The following PALM2AKAP2 variants were observed in gnomAD, a reference collection of about 807,000 sequenced individuals.
PALM2AKAP2 encodes the protein PALM2 and AKAP2 fusion.
In PALM2AKAP2, 37 loss-of-function variants were observed where a neutral mutation model predicts 71.5. The ratio of observed to expected loss-of-function variants is 0.52; its 90% confidence interval spans 0.40 to 0.68. The LOEUF is 0.68. PALM2AKAP2 is among the 30% of genes least tolerant of loss of function. The pLI is 0.00. For missense variants in PALM2AKAP2, 1,224 were observed against 1,191.8 expected (o/e 1.03, Z -0.40); for synonymous variants, 468 against 478.8 (o/e 0.98, Z 0.29).
intron 1 of PALM2AKAP2, among the ~76,000 whole-genome samples, chr9:109,757,066 T>G (rs1164055380): frequency 6.6e-6 from 1 of 152,096 alleles, no homozygotes; most frequent in African/African-American, 2.4e-5. Flanking sequence ...ACGTGTTCTA[T>G]CTATCTGTAT....
intron 1 of PALM2AKAP2, among the ~76,000 whole-genome samples, chr9:109,721,372 C>G (rs960961728): frequency 1.4e-4 from 22 of 152,158 alleles, no homozygotes; most frequent in Non-Finnish European, 2.6e-4. Flanking sequence ...GAGGACAAAG[C>G]CTGCAGAGAT....
At chr9:110,074,982 G>A (rs546701050) in intron 1 of PALM2AKAP2, among the ~76,000 whole-genome samples, 9 of 151,360 alleles carry the variant, frequency 5.9e-5, no homozygotes, top group Non-Finnish European at 7.4e-5. Flanking sequence ...CAGCCTGAGC[G>A]ACAGAGTGAG....
At chr9:109,990,707 C>T (rs1278901836) in intron 6 of PALM2AKAP2, among the ~76,000 whole-genome samples, 1 of 152,168 alleles carries the variant, frequency 6.6e-6, no homozygotes, top group Non-Finnish European at 1.5e-5. Context: ...AGGCATCAGA[C>T]CAAAGCCACA....
intron 1 of PALM2AKAP2, 142 bp downstream of exon 1, chr9:109,780,675 A>G: frequency 7.9e-7 from 1 of 1,267,608 alleles, no homozygotes. Flanking sequence ...GGGCTCAGCT[A>G]GGCTGCCTTT....
chr9:110,099,682 T>C (rs1834945598), intron 1 of PALM2AKAP2, among the ~76,000 whole-genome samples: 3 of 152,174 alleles, frequency 2.0e-5, no homozygotes, highest in Non-Finnish European at 4.4e-5. Flanking sequence ...TTGCTTTGCA[T>C]GAATCAGTTT....
chr9:110,088,967 G>C (rs1554750101), intron 1 of PALM2AKAP2, among the ~76,000 whole-genome samples: 1 of 152,034 alleles, frequency 6.6e-6, no homozygotes, highest in Non-Finnish European at 1.5e-5. Flanking sequence ...TGATCCACCT[G>C]CGTTGGCCTC....
intron 1 of PALM2AKAP2, among the ~76,000 whole-genome samples, chr9:110,060,726 C>G (rs148568128): frequency 6.6e-6 from 1 of 152,098 alleles, no homozygotes; most frequent in Admixed American, 6.6e-5. Context: ...CTCAGCCTCC[C>G]GAGTAGCTGA....
intron 6 of PALM2AKAP2, among the ~76,000 whole-genome samples, chr9:109,971,044 G>A (rs777703376): frequency 2.6e-5 from 4 of 152,102 alleles, no homozygotes; most frequent in Non-Finnish European, 5.9e-5. Context: ...CCAGGAGGCC[G>A]ATCACACCAC....
chr9:110,055,290 G>A (rs1437217124), intron 1 of PALM2AKAP2, among the ~76,000 whole-genome samples: 3 of 151,990 alleles, frequency 2.0e-5, no homozygotes, highest in Non-Finnish European at 4.4e-5. Context: ...CCACCTCCTG[G>A]GTTTAAGCCA....
rs552079573 is a variant in PALM2AKAP2, at chr9:109,641,952, G to C, written c.5+1086G>C. ...ATGGTGTAGCATTGTAGGAGTCACA[G>C]TCATGGATTTCAGGCCCCACCTAGC... On this transcript the variant is annotated intron_variant, in intron 1 of 6. Transcript: ENST00000374531. 3.9e-5 allele frequency among the ~76,000 whole-genome samples: 6 copies of C among 152,310 alleles called. No homozygotes were observed. In the East Asian group the frequency reaches 1.2e-3, roughly 29 times the overall value.
intron 1 of PALM2AKAP2, among the ~76,000 whole-genome samples, chr9:109,743,147 C>T (rs1828741193): frequency 6.6e-6 from 1 of 152,128 alleles, no homozygotes; most frequent in African/African-American, 2.4e-5. Context: ...CCAACCTCCA[C>T]AACTCCCCAA....
At chr9:109,685,117 G>A (rs142147846) in intron 1 of PALM2AKAP2, among the ~76,000 whole-genome samples, 4 of 152,240 alleles carry the variant, frequency 2.6e-5, no homozygotes, top group African/African-American at 9.6e-5. Flanking sequence ...ATAAAAAGCA[G>A]ATTAGTGATT....
intron 6 of PALM2AKAP2, among the ~76,000 whole-genome samples, chr9:109,988,299 T>C (rs758189769): frequency 3.9e-5 from 6 of 152,230 alleles, no homozygotes; most frequent in Admixed American, 6.5e-5. Context: ...AGTTAGTTTG[T>C]TTTCATTTCC....
intron 7 of PALM2AKAP2, among the ~76,000 whole-genome samples, chr9:110,035,443 C>T (rs1007619913): frequency 2.3e-4 from 28 of 123,814 alleles, no homozygotes; most frequent in South Asian, 5.2e-4. Flanking sequence ...GTATATTATG[C>T]GTATAATACA....
At chr9:109,931,891 C>G (rs374800756) in intron 5 of PALM2AKAP2, 36 bp from the exon 6 acceptor site, 143 of 1,608,680 alleles carry the variant, frequency 8.9e-5, no homozygotes, top group Non-Finnish European at 1.2e-4. Context: ...CCTCCCAACA[C>G]TGTGACTAAT....
intron 7 of PALM2AKAP2, among the ~76,000 whole-genome samples, chr9:110,035,083 C>A (rs1833356711): frequency 6.7e-6 from 1 of 149,664 alleles, no homozygotes; most frequent in Non-Finnish European, 1.5e-5. Flanking sequence ...ATACTAAGTT[C>A]TTGGAATCAA....
intron 2 of PALM2AKAP2, among the ~76,000 whole-genome samples, chr9:109,868,252 A>G (rs1829510625): frequency 1.3e-5 from 2 of 152,218 alleles, no homozygotes; most frequent in Non-Finnish European, 2.9e-5. Flanking sequence ...GCACTTAAGC[A>G]TCGTAATTGA....
chr9:109,912,107 T>C (rs993356483), intron 3 of PALM2AKAP2, among the ~76,000 whole-genome samples: 3 of 152,098 alleles, frequency 2.0e-5, no homozygotes, highest in African/African-American at 7.2e-5. Context: ...GTTTGAGGTC[T>C]TGGCTGAAGA....
intron 1 of PALM2AKAP2, among the ~76,000 whole-genome samples, chr9:109,647,514 T>A (rs1377164091): frequency 1.3e-5 from 2 of 152,244 alleles, no homozygotes; most frequent in African/African-American, 4.8e-5. Context: ...TGTTAGATAT[T>A]GCCCAGGTGC....
Sources: gnomAD v4.1 joint callset for allele counts (sites outside exome capture counted in the v4.1 genomes callset) on GRCh38, gnomAD v4.1.1 for gene constraint, MANE v1.5 for transcripts, NCBI Gene and HGNC (gene_info 2026-07-23, HGNC 2026-07-21) for gene names.